LCN2: variants seen among roughly 807,000 people sequenced by gnomAD.
LCN2 encodes the protein lipocalin 2.
Under a neutral mutation model 26.4 loss-of-function variants are expected in LCN2, and 27 were observed. The observed-to-expected ratio is 1.02, with a 90% CI of 0.76 to 1.41. The LOEUF is 1.41. LCN2 is among the 40% of genes most tolerant of loss of function. The pLI, the probability that LCN2 is intolerant of heterozygous loss-of-function variation, is 0.00. For synonymous variants in LCN2, 94 were observed against 98.9 expected (o/e 0.95, Z 0.30); for missense variants, 224 against 237.6 (o/e 0.94, Z 0.38).
rs1479864633 is a variant in LCN2, at chr9:128,149,504, C to T, written c.-22C>T. ...CCAGGCCCAGCAGCCACCACAGCGC[C>T]TGCTTCCTCGGCCCTGAAATCATGC... On this transcript the variant is annotated 5_prime_UTR_variant, in exon 1 of 7. Coordinates refer to ENST00000277480, the MANE Select transcript of LCN2 (RefSeq NM_005564.5). The T allele has an allele frequency of 4.4e-6, 7 of 1,585,080 alleles. No homozygotes were observed. In the South Asian group the frequency reaches 7.9e-5, roughly 18 times the overall value.
intron 2 of LCN2, 166 bp from the exon 3 acceptor site, chr9:128,151,472 G>C (rs1364949457): frequency 3.1e-6 from 2 of 648,892 alleles, no homozygotes; most frequent in Non-Finnish European, 5.7e-6. Context: ...GCCCATCTCG[G>C]CTGGGTGGGG....
chr9:128,152,030 G>T lies in LCN2; in HGVS notation c.475+5G>T, dbSNP rs369137326. On this transcript the variant is annotated splice_donor_5th_base_variant and intron_variant, in intron 4 of 6. Transcript: ENST00000277480. ...ACTTCAAGATCACCCTCTACGGTGG[G>T]TCCTCTCCCATCCCCTCGGGGACTG... is the stretch of plus-strand genomic sequence containing the variant. 1 of 1,614,064 alleles carries T rather than the reference G, an allele frequency of 6.2e-7. No homozygotes were observed. The highest frequency in any genetic ancestry group is 1.1e-5 in the South Asian group (1 of 91,082).
chr9:128,149,760 G>T (rs1189448949), intron 1 of LCN2, 97 bp downstream of exon 1: 2 of 1,449,542 alleles, frequency 1.4e-6, no homozygotes, highest in East Asian at 2.3e-5. Flanking sequence ...CGTTGGGCAG[G>T]ACTCTAGGAG....
rs200328232 is a variant in LCN2 at position 128,151,895 on chromosome 9, C to T, written c.356-11C>T. 1.0e-4 allele frequency: 168 copies of T among 1,613,872 alleles called. No homozygotes were observed. The highest frequency in any genetic ancestry group is 1.3e-4 in the Non-Finnish European group (155 of 1,179,934). Reference sequence around the variant, plus strand: ...AGGGCAGGGCTGACCCCTCACCGTCCACGCCTGCAGGTTACCCTGGATTAA... The same window carrying T: ...AGGGCAGGGCTGACCCCTCACCGTCTACGCCTGCAGGTTACCCTGGATTAA... On this transcript the variant is annotated splice_polypyrimidine_tract_variant and intron_variant, in intron 3 of 6. Transcript: ENST00000277480.
At chr9:128,151,332 G>C (rs187573731) in intron 2 of LCN2, 14 of 564,406 alleles carry the variant, frequency 2.5e-5, no homozygotes, top group South Asian at 5.2e-5. Context: ...GTGGCGGGGG[G>C]GGTGAAAGCC....
Position 128,149,663 on chromosome 9 carries a change from A to C in LCN2, c.138A>C (p.Gln46His), listed in dbSNP as rs1174352017. Residue 46 changes from glutamine (Q) to histidine (H), a missense_variant and splice_region_variant, in exon 1 of 7, where the codon CAA becomes CAC. Coordinates refer to ENST00000277480, the MANE Select transcript of LCN2 (RefSeq NM_005564.5). Reference protein sequence around the residue: ...VPLQQNFQDNQFQGKWYVVGL... With the variant: ...VPLQQNFQDNHFQGKWYVVGL... ...TGCAGCAGAACTTCCAGGACAACCAAGTAAGGGGCCAAGAGGGGCACCTGC... is the reference window on the plus strand; with the variant it reads ...TGCAGCAGAACTTCCAGGACAACCACGTAAGGGGCCAAGAGGGGCACCTGC... The C allele has an allele frequency of 6.2e-6, 10 of 1,613,708 alleles. No individual in the cohort carries two copies. The highest frequency in any genetic ancestry group is 1.1e-5 in the South Asian group (1 of 91,092).
intron 5 of LCN2, among the ~76,000 whole-genome samples, chr9:128,152,717 G>A (rs900549992): frequency 2.0e-5 from 3 of 152,152 alleles, no homozygotes; most frequent in Non-Finnish European, 2.9e-5. Flanking sequence ...ACTGACTTGG[G>A]AGCTGTCCTT....
In LCN2 at chr9:128,149,553, C is replaced by T; in HGVS notation, c.28C>T (p.Leu10=). The part of the protein sequence containing the change: MPLGLLWLG[L]ALLGALHAQA... ...GCCCCTAGGTCTCCTGTGGCTGGGC[C>T]TAGCCCTGTTGGGGGCTCTGCATGC... The change falls in exon 1 of 7, where the codon CTA becomes TTA. Residue 10 remains leucine (L), a synonymous_variant. Coordinates refer to ENST00000277480, the MANE Select transcript of LCN2 (RefSeq NM_005564.5). The T allele has an allele frequency of 6.2e-7, 1 of 1,613,902 alleles. No individual in the cohort carries two copies. The highest frequency in any genetic ancestry group is 8.5e-7 in the Non-Finnish European group (1 of 1,179,940).
chr9:128,149,908 G>T (rs576002383), intron 1 of LCN2, among the ~76,000 whole-genome samples: 1 of 138,726 alleles, frequency 7.2e-6, no homozygotes, highest in South Asian at 2.2e-4. Context: ...AACCCCCATT[G>T]TCCAAAGAAG....
In LCN2 at chr9:128,153,023, T is replaced by G. The variant is rs558175670; in HGVS notation, c.578-77T>G. ...AGGGGCAGTGCAGAGGACCTGGCAG[T>G]CAGGGATCACACACACACACTCATA... On this transcript the variant is annotated intron_variant, in intron 5 of 6. Coordinates refer to ENST00000277480, the MANE Select transcript of LCN2 (RefSeq NM_005564.5). This position sits in a 1 kb window ranked among gnomAD's most constrained non-coding sequence, Gnocchi z 5.4. 46 of 1,608,308 alleles carry G rather than the reference T, an allele frequency of 2.9e-5. No individual in the cohort carries two copies. The highest frequency in any genetic ancestry group is 3.5e-5 in the Non-Finnish European group (41 of 1,175,782).
chr9:128,153,108 A>T lies in LCN2; in HGVS notation c.586A>T (p.Ile196Phe). ...IVFPVPIDQC[I>F]DG ...GACTTTCTCCCTAACAGACCAGTGT[A>T]TCGACGGCTGAGTGCACAGTGAGTG... The change falls in exon 6 of 7, where the codon ATC becomes TTC. Residue 196 changes from isoleucine (I) to phenylalanine (F), a missense_variant. Coordinates refer to ENST00000277480, the MANE Select transcript of LCN2 (RefSeq NM_005564.5). This position sits in a 1 kb window ranked among gnomAD's most constrained non-coding sequence, Gnocchi z 5.4. 1 of 1,614,140 alleles carries T rather than the reference A, an allele frequency of 6.2e-7. No homozygotes were observed. Among genetic ancestry groups the T allele is most frequent in the East Asian group, 2.2e-5 (1 of 44,888 alleles).
chr9:128,150,639 C>G, intron 2 of LCN2: 1 of 623,246 alleles, frequency 1.6e-6, no homozygotes, highest in Non-Finnish European at 3.0e-6. Flanking sequence ...GACACTGGAT[C>G]CAGCCTGGAA....
At position 128,152,219 on chromosome 9, in the gene LCN2, A is replaced by C; in HGVS notation, c.512A>C (p.Asn171Thr). 1 of 1,614,126 alleles carries C rather than the reference A, an allele frequency of 6.2e-7. No homozygotes were observed. The change falls in exon 5 of 7, where the codon AAC (asparagine) becomes ACC (threonine). Residue 171 changes from asparagine to threonine, a missense_variant. Physicochemically the swap from Asn to Thr is moderately conservative, Grantham distance 65 (BLOSUM62 0). Transcript: ENST00000277480. ...TKELTSELKE[N>T]FIRFSKSLGL... ...GAGCTGACTTCGGAACTAAAGGAGA[A>C]CTTCATCCGCTTCTCCAAATCTCTG...
chr9:128,150,736 G>A (rs181421298), intron 2 of LCN2: 33 of 442,556 alleles, frequency 7.5e-5, no homozygotes, highest in South Asian at 2.4e-4. Context: ...GGGTGTTCCC[G>A]GCAGGGGCTG....
intron 5 of LCN2, 104 bp from the exon 6 acceptor site, chr9:128,152,996 C>G: frequency 6.4e-7 from 1 of 1,564,262 alleles, no homozygotes; most frequent in Non-Finnish European, 8.8e-7. Flanking sequence ...CAGGGGCTGC[C>G]CAGGGGCAGT....
In LCN2 at chr9:128,150,251, G is replaced by A. The variant is rs746515681; in HGVS notation, c.152G>A (p.Trp51Ter). 1 of 1,613,952 alleles carries A rather than the reference G, an allele frequency of 6.2e-7. No homozygotes were observed. The highest frequency in any genetic ancestry group is 2.2e-5 in the East Asian group (1 of 44,882). Residue 51 changes from tryptophan (W) to a stop codon, truncating the protein, a stop_gained, in exon 2 of 7, where the codon TGG becomes TAG. Transcript: ENST00000277480. LOFTEE classifies it high-confidence loss of function. ...NFQDNQFQGKWYVVGLAGNAI... is the reference protein window; with the variant it reads ...NFQDNQFQGK ...AGTCCCTTGCAGTTCCAGGGGAAGT[G>A]GTATGTGGTAGGCCTGGCAGGGAAT...
rs143776517 is a variant in LCN2 at position 128,152,283 on chromosome 9, C to T, written c.576C>T (p.Ile192=). The T allele has an allele frequency of 5.6e-6, 9 of 1,613,024 alleles. No homozygotes were observed. Among genetic ancestry groups the T allele is most frequent in the African/African-American group, 1.3e-5 (1 of 74,926 alleles). Residue 192 remains isoleucine (I), a splice_region_variant and synonymous_variant, in exon 5 of 7, where the codon ATC becomes ATT. Coordinates refer to ENST00000277480, the MANE Select transcript of LCN2 (RefSeq NM_005564.5). ...ACCACATCGTCTTCCCTGTCCCAAT[C>T]GGTAATGGCCAGTCTGGATGAGGGG... is the stretch of plus-strand genomic sequence containing the variant. ...PENHIVFPVP[I]DQCIDG
intron 2 of LCN2, 79 bp downstream of exon 2, chr9:128,150,453 G>A (rs779587495): frequency 7.0e-6 from 11 of 1,571,406 alleles, no homozygotes; most frequent in Non-Finnish European, 9.6e-6. Context: ...GAGGGATCCT[G>A]TCGTTCACCT....
intron 2 of LCN2, among the ~76,000 whole-genome samples, chr9:128,151,259 G>A (rs983137266): frequency 4.6e-5 from 7 of 152,066 alleles, no homozygotes; most frequent in Admixed American, 4.6e-4. Flanking sequence ...CCCCGGGAGA[G>A]GGTATAGGAA....
Sources: gnomAD v4.1 joint callset for allele counts (sites outside exome capture counted in the v4.1 genomes callset) on GRCh38, gnomAD v4.1.1 for gene constraint, Gnocchi (gnomAD v3.1) non-coding constraint, MANE v1.5 for transcripts, NCBI Gene and HGNC (gene_info 2026-07-23, HGNC 2026-07-21) for gene names.